CACNA1A: variants seen among roughly 807,000 people sequenced by gnomAD.
CACNA1A encodes the protein voltage-dependent P/Q-type calcium channel subunit alpha-1A.
CACNA1A carries 57 observed loss-of-function variants against 262.4 expected under a neutral mutation model. The ratio of observed to expected loss-of-function variants is 0.22; its 90% CI spans 0.18 to 0.27. The LOEUF (loss-of-function observed/expected upper bound fraction) is 0.27, where lower values mean the gene tolerates loss of function less well. Among genes scored for constraint, CACNA1A ranks in the 10% least tolerant of loss-of-function variants. The pLI is 1.00. For synonymous variants in CACNA1A, 1,431 were observed against 1,419.3 expected, an observed-to-expected ratio of 1.01 and a Z score of -0.18; for missense variants, 2,526 against 3,562.8, an observed-to-expected ratio of 0.71 and a Z score of 7.41.
chr19:13,219,722 A>C (rs1210477725), intron 38 of CACNA1A, among the ~76,000 whole-genome samples: 1 of 152,078 alleles, frequency 6.6e-6, no homozygotes, highest in Non-Finnish European at 1.5e-5. Flanking sequence ...TGGGAGGCCG[A>C]GGTGGGCAGA....
At chr19:13,476,186 C>G (rs1359955088) in intron 1 of CACNA1A, among the ~76,000 whole-genome samples, 1 of 152,170 alleles carries the variant, frequency 6.6e-6, no homozygotes, top group Non-Finnish European at 1.5e-5. Flanking sequence ...TCTGGGAAAT[C>G]TGGACAAGAG....
chr19:13,266,996 G>A (rs2056877965), intron 24 of CACNA1A, among the ~76,000 whole-genome samples: 1 of 152,194 alleles, frequency 6.6e-6, no homozygotes, highest in Non-Finnish European at 1.5e-5. Context: ...GACCCTTTGG[G>A]ATGCCTCCTT....
Position 13,214,304 on chromosome 19 carries a change from C to A in CACNA1A, c.5869G>T (p.Ala1957Ser). 1 of 1,612,668 alleles carries A rather than the reference C, an allele frequency of 6.2e-7. No individual in the cohort carries two copies. Among genetic ancestry groups the A allele is most frequent in the Non-Finnish European group, 8.5e-7 (1 of 1,179,842 alleles). The change falls in exon 40 of 47, where the codon GCA becomes TCA. Residue 1957 changes from alanine (A) to serine (S), a missense_variant. By Grantham distance (99) the Ala-to-Ser change is moderately conservative. This residue lies in a region of CACNA1A where 112 missense variants were observed against 197.2 expected (regional missense o/e 0.57). Coordinates refer to ENST00000360228, the MANE Select transcript of CACNA1A (RefSeq NM_001127222.2). This position sits in a 1 kb window ranked among gnomAD's most constrained non-coding sequence, Gnocchi z 4.1. Reference protein sequence around the residue: ...STDLTVGKIYAAMMIMEYYRQ... With the variant: ...STDLTVGKIYSAMMIMEYYRQ... ...TAGTACTCCATGATCATCATGGCTG[C>A]GTAGATCTTCCCCACGGTGAGGTCC...
At chr19:13,499,949 AC>A (rs1415037947) in intron 1 of CACNA1A, among the ~76,000 whole-genome samples, 4 of 151,796 alleles carry the variant, frequency 2.6e-5, no homozygotes, top group Non-Finnish European at 5.9e-5. Flanking sequence ...TGTGCTTGCT[AC>A]TGGGGGGGAA....
intron 19 of CACNA1A, among the ~76,000 whole-genome samples, chr19:13,297,203 G>C (rs1305189520): frequency 6.6e-6 from 1 of 152,104 alleles, no homozygotes; most frequent in Non-Finnish European, 1.5e-5. Flanking sequence ...TTTCCATTGT[G>C]TGAGGCCCAG....
intron 1 of CACNA1A, among the ~76,000 whole-genome samples, chr19:13,463,655 A>G (rs1294276783): frequency 6.6e-6 from 1 of 152,228 alleles, no homozygotes; most frequent in East Asian, 1.9e-4. Flanking sequence ...GGTAGAGGCA[A>G]AAAAGATTAA....
intron 1 of CACNA1A, among the ~76,000 whole-genome samples, chr19:13,502,264 G>C (rs1372240923): frequency 6.6e-6 from 1 of 151,946 alleles, no homozygotes; most frequent in East Asian, 1.9e-4. Flanking sequence ...GTCTTGTTAA[G>C]ATTTCTGCAA....
rs566345131 is a variant in CACNA1A, at chr19:13,468,976, G to A, written c.294-13764C>T. Among the ~76,000 whole-genome samples the A allele has an allele frequency of 5.1e-4, 78 of 152,148 alleles. No individual in the cohort carries two copies. In the Middle Eastern group the frequency reaches 0.027, roughly 53 times the overall value. On this transcript the variant is annotated intron_variant, in intron 1 of 46. Transcript: ENST00000360228. ...TGAGAAGGGCCCCAAGAAAGCAAGA[G>A]AATCAAAGAAAGACCTTCCCAACTC...
chr19:13,287,026 T>G, intron 19 of CACNA1A, 60 bp from the exon 20 acceptor site: 4 of 1,318,006 alleles, frequency 3.0e-6, no homozygotes, highest in Non-Finnish European at 4.2e-6. Flanking sequence ...AAGGCAACAG[T>G]TCAGGATCCT....
intron 19 of CACNA1A, among the ~76,000 whole-genome samples, chr19:13,288,169 T>C (rs913577238): frequency 3.3e-5 from 5 of 152,118 alleles, no homozygotes; most frequent in African/African-American, 1.2e-4. Flanking sequence ...ACACAGTCAA[T>C]GCTGGGTAAA....
chr19:13,255,701 T>TTCCCTCCTTCCCTCCCTCCC (rs1364959323), intron 28 of CACNA1A, among the ~76,000 whole-genome samples: 1 of 65,894 alleles, frequency 1.5e-5, no homozygotes, highest in African/African-American at 6.3e-5. Context: ...TCCTCCCTCC[T>TTCCCTCCTTCCCTCCCTCCC]TCCTTCCCTC....
chr19:13,506,216 G>A lies in CACNA1A; in HGVS notation c.9C>T (p.Arg3=). 6.7e-7 allele frequency: 1 copy of A among 1,484,452 alleles called. No homozygotes were observed. The highest frequency in any genetic ancestry group is 8.9e-7 in the Non-Finnish European group (1 of 1,124,708). 92.0% of individuals were successfully genotyped at this position (1,484,452 alleles called of 1,614,324 possible). A position where few individuals can be genotyped will look rare whatever the true frequency, so the allele number is the denominator to read the frequency against. The stretch of plus-strand genomic sequence containing the variant: ...AGCGGGCCGGCATCTCGTCTCCGAA[G>A]CGGGCCATTCTGCAAAGAGCAAAGG... MA[R]FGDEMPARYG... Residue 3 remains arginine (R), a synonymous_variant, in exon 1 of 47, where the codon CGC becomes CGT. Coordinates refer to ENST00000360228, the MANE Select transcript of CACNA1A (RefSeq NM_001127222.2).
At chr19:13,414,232 A>G (rs1179157616) in intron 3 of CACNA1A, among the ~76,000 whole-genome samples, 1 of 151,998 alleles carries the variant, frequency 6.6e-6, no homozygotes, top group African/African-American at 2.4e-5. Context: ...TTCTCTATAA[A>G]AATAAATAAA....
intron 11 of CACNA1A, among the ~76,000 whole-genome samples, chr19:13,313,199 C>T (rs1199193194): frequency 1.3e-5 from 2 of 152,026 alleles, no homozygotes; most frequent in Non-Finnish European, 2.9e-5. Flanking sequence ...TCAGTTTCCC[C>T]TCTGTTAAAA....
At chr19:13,353,223 A>C (rs2058946200) in intron 6 of CACNA1A, among the ~76,000 whole-genome samples, 1 of 151,216 alleles carries the variant, frequency 6.6e-6, no homozygotes, top group African/African-American at 2.4e-5. Flanking sequence ...AAGTGATCCT[A>C]TCCTCCTGTC....
chr19:13,445,841 A>C (rs1479802322), intron 3 of CACNA1A, among the ~76,000 whole-genome samples: 1 of 152,220 alleles, frequency 6.6e-6, no homozygotes, highest in African/African-American at 2.4e-5. Flanking sequence ...ACAAAGAACA[A>C]ACAGATGTCC....
intron 10 of CACNA1A, among the ~76,000 whole-genome samples, chr19:13,318,952 G>A (rs987526302): frequency 1.4e-5 from 2 of 139,542 alleles, no homozygotes; most frequent in African/African-American, 5.5e-5. Flanking sequence ...GCAGTGGCTT[G>A]ATCCTAGCTC....
chr19:13,313,633 C>T (rs775324366), intron 11 of CACNA1A, among the ~76,000 whole-genome samples: 4 of 151,690 alleles, frequency 2.6e-5, no homozygotes, highest in Non-Finnish European at 5.9e-5. Flanking sequence ...TGCCCTGGTT[C>T]GATGAGAAGG....
Position 13,207,836 on chromosome 19 carries a change from G to C in CACNA1A, c.6998C>G (p.Ala2333Gly). The C allele has an allele frequency of 6.8e-7, 1 of 1,465,144 alleles. No homozygotes were observed. The allele number at this position is 1,465,144 out of a possible 1,614,324, so 90.8% of individuals were successfully genotyped here. The change falls in exon 47 of 47, where the codon GCG becomes GGG. Residue 2333 changes from alanine (A) to glycine (G), a missense_variant. Physicochemically the swap from Ala to Gly is moderately conservative, Grantham distance 60 (BLOSUM62 0). This residue lies in a region of CACNA1A where 929 missense variants were observed against 868.1 expected (regional missense o/e 1.07). Coordinates refer to ENST00000360228, the MANE Select transcript of CACNA1A (RefSeq NM_001127222.2). This position sits in a 1 kb window ranked among gnomAD's most constrained non-coding sequence, Gnocchi z 5.7. ...GTACCTCCGAGGGCCGCTGGTGGCC[G>C]CCCGGCCCGGCCTGGCCACCGCCTG... ...QQQAVARPGR[A>G]ATSGPRRYPG...
Sources: gnomAD v4.1 joint callset for allele counts (sites outside exome capture counted in the v4.1 genomes callset) on GRCh38, gnomAD v4.1.1 for gene constraint, gnomAD v4.1.1 regional missense constraint, Gnocchi (gnomAD v3.1) non-coding constraint, MANE v1.5 for transcripts, NCBI Gene and HGNC (gene_info 2026-07-23, HGNC 2026-07-21) for gene names.